Variants in ECHDC2 observed in about 807,000 individuals in gnomAD.
The protein encoded by ECHDC2 is enoyl-CoA hydratase domain containing 2.
A neutral mutation model predicts 40.6 loss-of-function variants in ECHDC2; 34 were observed. The observed-to-expected ratio is 0.84, with a 90% CI of 0.64 to 1.11. The LOEUF (loss-of-function observed/expected upper bound fraction) is 1.11. ECHDC2 is among the 50% of genes most tolerant of loss of function. The pLI is 0.00. For synonymous variants in ECHDC2, 162 were observed against 166.6 expected, an observed-to-expected ratio of 0.97 and a Z score of 0.21; for missense variants, 392 against 400.7, an observed-to-expected ratio of 0.98 and a Z score of 0.19.
chr1:52,906,494 C>G (rs1483181343), intron 5 of ECHDC2, 25 bp downstream of exon 5: 4 of 1,584,452 alleles, frequency 2.5e-6, no homozygotes. Flanking sequence ...AGCCCCACCC[C>G]CTGCCCCCAG....
In ECHDC2 at chr1:52,905,060, G is replaced by A. The variant is rs373797609; in HGVS notation, c.488C>T (p.Thr163Ile). ...TGCCCCCGGGAGGAGCCCTCGCGTG[G>A]TCTCAATCAGTCCCATGACTGCCGA... ...ASSAVMGLIE[T>I]TRGLLPGAGG... The change falls in exon 6 of 10, where the codon ACC becomes ATC. Residue 163 changes from threonine (T) to isoleucine (I), a missense_variant. By Grantham distance (89) the Thr-to-Ile change is moderately conservative (BLOSUM62 -1). Coordinates refer to ENST00000371522, the MANE Select transcript of ECHDC2 (RefSeq NM_001198961.2). The A allele has an allele frequency of 9.3e-6, 15 of 1,614,194 alleles. No homozygotes were observed. The highest frequency in any genetic ancestry group is 1.7e-5 in the Admixed American group (1 of 60,026).
intron 9 of ECHDC2, 68 bp from the exon 10 acceptor site, chr1:52,896,665 C>T: frequency 7.6e-7 from 1 of 1,313,164 alleles, no homozygotes; most frequent in Non-Finnish European, 1.1e-6. Context: ...GTTGCTTAAG[C>T]TTGTCCAGCC....
At chr1:52,916,741 T>C (rs559965340) in intron 1 of ECHDC2, among the ~76,000 whole-genome samples, 2 of 152,186 alleles carry the variant, frequency 1.3e-5, no homozygotes, top group Non-Finnish European at 2.9e-5. Context: ...TCAGCCAAGG[T>C]CCCTGTGTTC....
At chr1:52,904,612 C>T (rs765706230) in intron 7 of ECHDC2, 34 bp downstream of exon 7, 17 of 1,532,596 alleles carry the variant, frequency 1.1e-5, no homozygotes, top group Non-Finnish European at 1.4e-5. Flanking sequence ...CCCATGACTC[C>T]AGCCCTCCTT....
At chr1:52,917,094 A>G (rs780173383) in intron 1 of ECHDC2, among the ~76,000 whole-genome samples, 15 of 152,084 alleles carry the variant, frequency 9.9e-5, no homozygotes, top group Non-Finnish European at 1.5e-4. Context: ...GTGGTGGCAC[A>G]CACCTATAAT....
At chr1:52,911,529 C>A in intron 3 of ECHDC2, 37 bp downstream of exon 3, 1 of 1,606,162 alleles carries the variant, frequency 6.2e-7, no homozygotes, top group Non-Finnish European at 8.5e-7. Flanking sequence ...GGTGGGCACC[C>A]TGCAGAGCAC....
intron 5 of ECHDC2, chr1:52,905,993 C>A (rs1647694903): frequency 7.3e-6 from 2 of 273,158 alleles, no homozygotes; most frequent in Admixed American, 1.0e-4. Flanking sequence ...AAGAAGGCTG[C>A]TCCTAATCAC....
chr1:52,912,912 C>T (rs1649884538), intron 1 of ECHDC2: 1 of 151,892 alleles, frequency 6.6e-6, no homozygotes, highest in Non-Finnish European at 1.5e-5. Flanking sequence ...TCTCGAACTC[C>T]TGACCTCAGG....
In ECHDC2 at chr1:52,911,798, G is replaced by A. The variant is rs750694908; in HGVS notation, c.122-8C>T. On this transcript the variant is annotated splice_region_variant and splice_polypyrimidine_tract_variant and intron_variant, in intron 1 of 9. Transcript: ENST00000371522. ...TCAGAATCTCAGTGATCCCTGTAAG[G>A]AGTCAGGGCAGCCACGGGAAAGCAG... is the stretch of plus-strand genomic sequence containing the variant. The A allele has an allele frequency of 6.2e-7, 1 of 1,613,796 alleles. No homozygotes were observed. Among genetic ancestry groups the A allele is most frequent in the Admixed American group, 1.7e-5 (1 of 60,016 alleles).
chr1:52,912,001 G>C (rs1649634921), intron 1 of ECHDC2: 1 of 1,425,418 alleles, frequency 7.0e-7, no homozygotes. Context: ...GCCTCAGAGA[G>C]AAAGTGGAAG....
chr1:52,898,929 C>A (rs1238884350), intron 8 of ECHDC2: 2 of 575,160 alleles, frequency 3.5e-6, no homozygotes, highest in Non-Finnish European at 6.2e-6. Context: ...ATCATTTACC[C>A]TTTCTTAACC....
chr1:52,912,101 G>C lies in ECHDC2; in HGVS notation c.122-311C>G, dbSNP rs12073586. On this transcript the variant is annotated intron_variant, in intron 1 of 9. Transcript: ENST00000371522. ...TGCTTCTGCTGTTGTTAGACAGACAGACACACACACACACAAGCACACATG... is the reference window on the plus strand; with the variant it reads ...TGCTTCTGCTGTTGTTAGACAGACACACACACACACACACAAGCACACATG... 11,336 of 1,222,942 alleles carry C rather than the reference G, an allele frequency of 9.3e-3. 794 individuals are homozygous for C. The African/African-American group carries it at 0.15, about 17-fold the overall frequency. The allele number at this position is 1,222,942 out of a possible 1,614,324, so 75.8% of individuals were successfully genotyped here.
At chr1:52,910,688 A>G (rs1649256061) in intron 3 of ECHDC2, among the ~76,000 whole-genome samples, 1 of 152,130 alleles carries the variant, frequency 6.6e-6, no homozygotes, top group Non-Finnish European at 1.5e-5. Flanking sequence ...TAAAATATGT[A>G]AGTAATAAGA....
chr1:52,905,041 C>CCG lies in ECHDC2; in HGVS notation c.506_507insCG (p.Ala171GlyfsTer27), dbSNP rs761413579. On this transcript the variant is annotated frameshift_variant, in exon 6 of 10. Transcript: ENST00000371522. LOFTEE classifies it high-confidence loss of function. ...TGCTGTAGTTGCGATTACCTGCCCC[C>CCG]GGGAGGAGCCCTCGCGTGGTCTCAA... 3 of 1,614,166 alleles carry CCG rather than the reference C, an allele frequency of 1.9e-6. No individual in the cohort carries two copies. The East Asian group carries it at 6.7e-5, about 36-fold the overall frequency.
intron 7 of ECHDC2, 87 bp downstream of exon 7, chr1:52,904,559 G>T: frequency 8.3e-7 from 1 of 1,208,062 alleles, no homozygotes; most frequent in Non-Finnish European, 1.1e-6. Context: ...CTGGGAGAAT[G>T]GATGTGCAGC....
At chr1:52,899,468 A>G (rs569082391) in intron 7 of ECHDC2, 1 of 552,992 alleles carries the variant, frequency 1.8e-6, no homozygotes, top group Non-Finnish European at 3.2e-6. Flanking sequence ...CATCCTTCCA[A>G]CATGCACAAC....
chr1:52,908,929 C>CAAAAAAAAAAA (rs34090739), intron 3 of ECHDC2, among the ~76,000 whole-genome samples: 1 of 43,848 alleles, frequency 2.3e-5, no homozygotes, highest in African/African-American at 6.1e-5. Flanking sequence ...GACAGAGTCT[C>CAAAAAAAAAAA]AAAAAAAAAA....
At chr1:52,917,715 C>T in intron 1 of ECHDC2, 1 of 449,948 alleles carries the variant, frequency 2.2e-6, no homozygotes. Flanking sequence ...TAAGTCCCAT[C>T]AGACTCTAAT....
chr1:52,920,041 CA>C (rs1387552243), intron 1 of ECHDC2, among the ~76,000 whole-genome samples: 7 of 152,364 alleles, frequency 4.6e-5, no homozygotes, highest in African/African-American at 1.7e-4. Context: ...GTTGAGAACA[CA>C]GGCTTTGAAA....
Sources: allele counts gnomAD v4.1 joint callset (sites outside exome capture counted in the v4.1 genomes callset), GRCh38; gene constraint gnomAD v4.1.1; transcripts MANE v1.5; gene names NCBI Gene and HGNC (gene_info 2026-07-23, HGNC 2026-07-21).